ITGB5: variants seen among roughly 807,000 people sequenced by gnomAD.
The protein encoded by ITGB5 is integrin beta-5.
Under a neutral mutation model 84.8 loss-of-function variants are expected in ITGB5, and 38 were observed. The ratio of observed to expected loss-of-function variants is 0.45; its 90% CI spans 0.35 to 0.59. The LOEUF is 0.59. Among genes scored for constraint, ITGB5 ranks in the 20% least tolerant of loss-of-function variants. ITGB5 has a pLI of 0.01. For missense variants in ITGB5, 905 were observed against 1,034.5 expected, an observed-to-expected ratio of 0.87 and a Z score of 1.72; for synonymous variants, 393 against 414.4, an observed-to-expected ratio of 0.95 and a Z score of 0.63.
At chr3:124,861,262 T>A (rs2065293238) in intron 2 of ITGB5, among the ~76,000 whole-genome samples, 1 of 151,996 alleles carries the variant, frequency 6.6e-6, no homozygotes, top group African/African-American at 2.4e-5. Context: ...CCTCCAGGAC[T>A]ACATCAAAGG....
At chr3:124,859,186 T>G (rs1176238127) in intron 3 of ITGB5, 56 bp downstream of exon 3, 2 of 1,521,078 alleles carry the variant, frequency 1.3e-6, no homozygotes, top group Non-Finnish European at 9.0e-7. Context: ...AAGTCCCACC[T>G]CCCCCATGGG....
intron 1 of ITGB5, among the ~76,000 whole-genome samples, chr3:124,894,128 A>ATTTTTTTTTTTTT (rs1464038480): frequency 1.1e-4 from 7 of 61,942 alleles, no homozygotes; most frequent in Admixed American, 1.5e-4. Flanking sequence ...AAGTTGTGAT[A>ATTTTTTTTTTTTT]TTTTTCTTTT....
intron 3 of ITGB5, among the ~76,000 whole-genome samples, chr3:124,854,818 T>A (rs1055509854): frequency 1.3e-5 from 2 of 152,342 alleles, no homozygotes; most frequent in South Asian, 2.1e-4. Context: ...AGACAGAAAT[T>A]CTTTTTAATT....
Position 124,877,134 on chromosome 3 carries a change from C to A in ITGB5, c.71-3603G>T, listed in dbSNP as rs980838459. Reference sequence around the variant, plus strand: ...TCCAGGTACACATCACCACACCTGGCTAATTTTTTTTTTTTTTTTTTGTGG... The same window carrying A: ...TCCAGGTACACATCACCACACCTGGATAATTTTTTTTTTTTTTTTTTGTGG... On this transcript the variant is annotated intron_variant, in intron 1 of 14. Transcript: ENST00000296181. 2.2e-4 allele frequency among the ~76,000 whole-genome samples: 24 copies of A among 108,370 alleles called. No homozygotes were observed. The South Asian group carries it at 7.7e-3, about 35-fold the overall frequency. The allele number at this position is 108,370 out of a possible 152,430, so 71.1% of individuals were successfully genotyped here. A position where few individuals can be genotyped will look rare whatever the true frequency, so the allele number is the denominator to read the frequency against.
intron 10 of ITGB5, among the ~76,000 whole-genome samples, chr3:124,779,890 C>T (rs1181800469): frequency 1.3e-5 from 2 of 152,136 alleles, no homozygotes; most frequent in Non-Finnish European, 2.9e-5. Context: ...TCACAGACTT[C>T]CACAGTTAAA....
chr3:124,828,917 C>T (rs2064821517), intron 5 of ITGB5, among the ~76,000 whole-genome samples: 1 of 152,172 alleles, frequency 6.6e-6, no homozygotes, highest in South Asian at 2.1e-4. Context: ...CTTAATCTTT[C>T]CCTATCTCAG....
At chr3:124,783,151 C>T (rs1430330582) in intron 10 of ITGB5, among the ~76,000 whole-genome samples, 5 of 151,458 alleles carry the variant, frequency 3.3e-5, no homozygotes, top group East Asian at 1.9e-4. Context: ...ATTAGCCGGG[C>T]GTGGTGGCAG....
chr3:124,784,617 G>A (rs1343967903), intron 10 of ITGB5, among the ~76,000 whole-genome samples: 8 of 152,238 alleles, frequency 5.3e-5, no homozygotes, highest in Non-Finnish European at 1.2e-4. Flanking sequence ...CACCTTTCCA[G>A]TTTCAAAGAA....
intron 10 of ITGB5, chr3:124,792,515 T>G (rs1031668977): frequency 6.6e-6 from 1 of 152,226 alleles, no homozygotes; most frequent in Admixed American, 6.5e-5. Context: ...TGGTCCAAAT[T>G]ACTCCTGGTC....
At chr3:124,861,622 C>A (rs1322144779) in intron 2 of ITGB5, among the ~76,000 whole-genome samples, 2 of 148,352 alleles carry the variant, frequency 1.3e-5, no homozygotes, top group African/African-American at 5.0e-5. Context: ...AGTACAGTGG[C>A]GCAATCTCAG....
At chr3:124,829,489 C>G (rs758103747) in intron 5 of ITGB5, among the ~76,000 whole-genome samples, 42 of 152,224 alleles carry the variant, frequency 2.8e-4, no homozygotes, top group Non-Finnish European at 3.8e-4. Flanking sequence ...CTTCCACACT[C>G]ATGCGAGGGA....
At chr3:124,860,796 T>C (rs1197243158) in intron 2 of ITGB5, among the ~76,000 whole-genome samples, 1 of 152,210 alleles carries the variant, frequency 6.6e-6, no homozygotes, top group Non-Finnish European at 1.5e-5. Flanking sequence ...ACCACTTTGT[T>C]AGAAGCCAGA....
rs2064878144 is a variant in ITGB5 at position 124,832,764 on chromosome 3, C to T, written c.780+8619G>A. 2.0e-5 allele frequency: 3 copies of T among 152,212 alleles called. 1 individual carries two copies. The South Asian group carries it at 6.2e-4, about 32-fold the overall frequency. The allele number at this position is 152,212 out of a possible 1,614,324, so 9.4% of individuals were successfully genotyped here. A position where few individuals can be genotyped will look rare whatever the true frequency, so the allele number is the denominator to read the frequency against. On this transcript the variant is annotated intron_variant, in intron 5 of 14. Transcript: ENST00000296181. Reference sequence around the variant, plus strand: ...CAGGACGTCTTGTACACAGTAAGTACTCAAGACGTTTTCAAATGTAATAAC... The same window carrying T: ...CAGGACGTCTTGTACACAGTAAGTATTCAAGACGTTTTCAAATGTAATAAC...
At chr3:124,879,765 G>A (rs1934486079) in intron 1 of ITGB5, among the ~76,000 whole-genome samples, 1 of 152,172 alleles carries the variant, frequency 6.6e-6, no homozygotes, top group Non-Finnish European at 1.5e-5. Context: ...ACTGTGTTTT[G>A]TGCTGCCTCT....
intron 8 of ITGB5, 80 bp downstream of exon 8, chr3:124,817,541 C>A: frequency 4.1e-6 from 3 of 729,818 alleles, no homozygotes; most frequent in Non-Finnish European, 4.6e-6. Context: ...AACTGCCCAC[C>A]TGAGCCCGCG....
intron 9 of ITGB5, 33 bp downstream of exon 9, chr3:124,808,989 C>T: frequency 1.9e-6 from 3 of 1,607,492 alleles, no homozygotes; most frequent in Non-Finnish European, 2.6e-6. Context: ...CCAATGCTAA[C>T]AAGAGTTCAT....
intron 12 of ITGB5, 48 bp from the exon 13 acceptor site, chr3:124,766,393 A>AC (rs1237753705): frequency 1.2e-6 from 2 of 1,603,186 alleles, no homozygotes; most frequent in African/African-American, 2.7e-5. Context: ...TGAGCAGCCC[A>AC]CAGCCACTGA....
intron 1 of ITGB5, among the ~76,000 whole-genome samples, chr3:124,881,548 G>A (rs1300941008): frequency 6.6e-6 from 1 of 152,168 alleles, no homozygotes; most frequent in African/African-American, 2.4e-5. Flanking sequence ...TAAAAGATCA[G>A]AGGACTTGTT....
At chr3:124,876,257 T>C (rs777428913) in intron 1 of ITGB5, among the ~76,000 whole-genome samples, 11 of 152,050 alleles carry the variant, frequency 7.2e-5, no homozygotes, top group Non-Finnish European at 1.0e-4. Context: ...TCATATCATA[T>C]ACTGTAAATA....
Sources: allele counts gnomAD v4.1 joint callset (sites outside exome capture counted in the v4.1 genomes callset), GRCh38; gene constraint gnomAD v4.1.1; transcripts MANE v1.5; gene names NCBI Gene and HGNC (gene_info 2026-07-23, HGNC 2026-07-21).